Variants in DMBT1 observed in about 807,000 individuals in gnomAD.
DMBT1 encodes scavenger receptor cysteine-rich domain-containing protein DMBT1.
DMBT1 carries 198 observed loss-of-function variants against 252.9 expected under a neutral mutation model. The ratio of observed to expected loss-of-function variants is 0.78; its 90% CI spans 0.70 to 0.88. DMBT1 has a LOEUF of 0.88. Ranked by LOEUF, DMBT1 falls within the 40% of genes least tolerant of loss-of-function variation. DMBT1 has a pLI of 0.00. For synonymous variants in DMBT1, 990 were observed against 942.7 expected, an observed-to-expected ratio of 1.05 and a Z score of -0.92; for missense variants, 2,432 against 2,404.7, an observed-to-expected ratio of 1.01 and a Z score of -0.24.
chr10:122,643,228 C>G lies in DMBT1; in HGVS notation c.7459C>G (p.Leu2487Val), dbSNP rs1386667641. ...CCTGAACCGCTTCCCCTCCGTGTAC[C>G]TGCGTTGTAAAATGGTGGTGTGCAG... Reference protein sequence around the residue: ...HFLNRFPSVYLRCKMVVCRAY... With the variant: ...HFLNRFPSVYVRCKMVVCRAY... Residue 2487 changes from leucine to valine, a missense_variant, in exon 56 of 56, where the codon CTG becomes GTG. Physicochemically the swap from Leu to Val is conservative, Grantham distance 32. Around this residue, in one of 3 missense-constraint regions of DMBT1, gnomAD observed 1,162 missense variants for 1,169.0 expected, o/e 0.99. Coordinates refer to ENST00000338354, the MANE Select transcript of DMBT1 (RefSeq NM_001377530.1). 1.2e-6 allele frequency: 2 copies of G among 1,613,978 alleles called. No homozygotes were observed. The highest frequency in any genetic ancestry group is 4.5e-5 in the East Asian group (2 of 44,874).
At position 122,587,320 on chromosome 10, in the gene DMBT1, G is replaced by A. The variant is rs555649571; in HGVS notation, c.1783+937G>A. Among the ~76,000 whole-genome samples the A allele has an allele frequency of 1.6e-4, 24 of 148,660 alleles. 3 individuals are homozygous for A. Among genetic ancestry groups the A allele is most frequent in the South Asian group, 6.9e-4 (3 of 4,370 alleles). The stretch of plus-strand genomic sequence containing the variant: ...AGGACTAATAAGGAGGCATCAGACC[G>A]GAAACACAAGGCTGGGAGTGGAGAT... On this transcript the variant is annotated intron_variant, in intron 16 of 55. Coordinates refer to ENST00000338354, the MANE Select transcript of DMBT1 (RefSeq NM_001377530.1).
intron 21 of DMBT1, among the ~76,000 whole-genome samples, 181 bp downstream of exon 21, chr10:122,593,779 G>C (rs45549635): frequency 0.15 from 21,810 of 145,724 alleles, 1,955 homozygotes; most frequent in East Asian, 0.39. Context: ...ACACAGGATT[G>C]AGGAGGCCTC....
rs1431432185 is a variant in DMBT1, at chr10:122,576,471, A to G, written c.356A>G (p.Tyr119Cys). ...GRCQGRVEIL[Y>C]RGSWGTVCDD... Reference sequence around the variant, plus strand: ...TGTCAGGGCCGAGTGGAGATCCTATACCGAGGCTCCTGGGGCACCGTGTGT... The same window carrying G: ...TGTCAGGGCCGAGTGGAGATCCTATGCCGAGGCTCCTGGGGCACCGTGTGT... Residue 119 changes from tyrosine to cysteine, a missense_variant, in exon 7 of 56, where the codon TAC becomes TGC. Physicochemically the swap from Tyr to Cys is radical, Grantham distance 194 (BLOSUM62 -2). Coordinates refer to ENST00000338354, the MANE Select transcript of DMBT1 (RefSeq NM_001377530.1). 2.5e-6 allele frequency: 4 copies of G among 1,613,852 alleles called. No individual in the cohort carries two copies. Among genetic ancestry groups the G allele is most frequent in the African/African-American group, 1.3e-5 (1 of 74,920 alleles).
intron 44 of DMBT1, 24 bp downstream of exon 44, chr10:122,621,404 C>A (rs758519539): frequency 3.1e-6 from 5 of 1,613,714 alleles, no homozygotes; most frequent in Non-Finnish European, 4.2e-6. Context: ...ACCTGGGGCT[C>A]CCTCTCTTGG....
At position 122,621,431 on chromosome 10, in the gene DMBT1, G is replaced by A. The variant is rs2098067704; in HGVS notation, c.5608+51G>A. 3.1e-6 allele frequency: 5 copies of A among 1,611,720 alleles called. No individual in the cohort carries two copies. The South Asian group carries it at 4.4e-5, about 14-fold the overall frequency. ...CTCTCTTGGGGTGGAGTTTGCTCCA[G>A]AAGAAACTCCTAATTACATTCTGAT... On this transcript the variant is annotated intron_variant, in intron 44 of 55. Coordinates refer to ENST00000338354, the MANE Select transcript of DMBT1 (RefSeq NM_001377530.1).
At chr10:122,569,702 C>T (rs1465194000) in intron 2 of DMBT1, among the ~76,000 whole-genome samples, 2 of 152,220 alleles carry the variant, frequency 1.3e-5, no homozygotes, top group Non-Finnish European at 2.9e-5. Flanking sequence ...CTCCATGCAG[C>T]CACTTTGTGA....
chr10:122,600,404 G>C (rs548213342), intron 27 of DMBT1, among the ~76,000 whole-genome samples: 1 of 151,990 alleles, frequency 6.6e-6, no homozygotes, highest in Non-Finnish European at 1.5e-5. Flanking sequence ...TTTATATTCC[G>C]GACTCACATA....
Position 122,565,981 on chromosome 10 carries a change from A to G in DMBT1, c.76A>G (p.Arg26Gly), listed in dbSNP as rs2097586402. The G allele has an allele frequency of 1.9e-6, 3 of 1,613,994 alleles. No homozygotes were observed. In the East Asian group the frequency reaches 6.7e-5, roughly 36 times the overall value. ...QVLSTGGWIP[R>G]TTDYASLIPS... Reference sequence around the variant, plus strand: ...GTTCTTTCCAGGTGGGTGGATCCCAAGGACTACAGACTACGGTAAGACCTT... The same window carrying G: ...GTTCTTTCCAGGTGGGTGGATCCCAGGGACTACAGACTACGGTAAGACCTT... Residue 26 changes from arginine (R) to glycine (G), a missense_variant, in exon 2 of 56, where the codon AGG (arginine) becomes GGG (glycine). Arg to Gly is a moderately radical substitution (Grantham distance 125). Around this residue, in one of 3 missense-constraint regions of DMBT1, gnomAD observed 1,264 missense variants for 1,082.2 expected, o/e 1.17. Coordinates refer to ENST00000338354, the MANE Select transcript of DMBT1 (RefSeq NM_001377530.1).
chr10:122,574,079 C>T (rs1273924896), intron 6 of DMBT1, among the ~76,000 whole-genome samples: 1 of 152,182 alleles, frequency 6.6e-6, no homozygotes, highest in Non-Finnish European at 1.5e-5. Context: ...CCGTGGCCAG[C>T]CTAGGGTTCT....
At chr10:122,567,227 T>C (rs1261891718) in intron 2 of DMBT1, among the ~76,000 whole-genome samples, 1 of 152,094 alleles carries the variant, frequency 6.6e-6, no homozygotes, top group Non-Finnish European at 1.5e-5. Flanking sequence ...GACCGAGCAC[T>C]CTCCTGGAGG....
intron 46 of DMBT1, among the ~76,000 whole-genome samples, chr10:122,627,024 A>G (rs1451698469): frequency 6.6e-6 from 1 of 152,162 alleles, no homozygotes; most frequent in Non-Finnish European, 1.5e-5. Context: ...AGGCCAGATC[A>G]TTCAGGGCCT....
At chr10:122,586,432 A>G (rs749365686) in intron 16 of DMBT1, 49 bp downstream of exon 16, 1 of 1,580,850 alleles carries the variant, frequency 6.3e-7, no homozygotes. Flanking sequence ...GATTTTGCTC[A>G]GGAAGGTTTT....
chr10:122,623,838 G>A (rs2098093357), intron 44 of DMBT1, among the ~76,000 whole-genome samples: 1 of 152,174 alleles, frequency 6.6e-6, no homozygotes, highest in Admixed American at 6.5e-5. Flanking sequence ...CCAGTGTTGT[G>A]TCTAGCATGT....
At chr10:122,576,894 G>T (rs1352687193) in intron 7 of DMBT1, among the ~76,000 whole-genome samples, 172 bp downstream of exon 7, 1 of 152,196 alleles carries the variant, frequency 6.6e-6, no homozygotes, top group Non-Finnish European at 1.5e-5. Context: ...GGCCCATTCT[G>T]GGGACAGACT....
intron 45 of DMBT1, among the ~76,000 whole-genome samples, chr10:122,625,593 A>G (rs1228573591): frequency 1.3e-5 from 2 of 152,236 alleles, no homozygotes; most frequent in African/African-American, 4.8e-5. Flanking sequence ...TCAGATGAAA[A>G]TAACTGTCTA....
chr10:122,598,833 G>T lies in DMBT1; in HGVS notation c.3016G>T (p.Val1006Leu). 2 of 1,613,718 alleles carry T rather than the reference G, an allele frequency of 1.2e-6. No individual in the cohort carries two copies. Among genetic ancestry groups the T allele is most frequent in the Non-Finnish European group, 1.7e-6 (2 of 1,179,754 alleles). Residue 1006 changes from valine (V) to leucine (L), a missense_variant, in exon 26 of 56, where the codon GTG becomes TTG. Val to Leu is a conservative substitution (Grantham distance 32). Transcript: ENST00000338354. ...VNGGDRCQGRVEVLYQGSWGT... is the reference protein window; with the variant it reads ...VNGGDRCQGRLEVLYQGSWGT... ...TGGAGGTGACAGGTGTCAGGGCCGA[G>T]TGGAGGTCCTATACCAAGGCTCCTG...
chr10:122,626,086 C>T, intron 46 of DMBT1, 121 bp downstream of exon 46: 2 of 806,056 alleles, frequency 2.5e-6, no homozygotes, highest in Non-Finnish European at 4.4e-6. Flanking sequence ...TAGCCCTGGC[C>T]TGTCCCACTA....
At chr10:122,588,831 G>A (rs2097820124) in intron 16 of DMBT1, 113 bp from the exon 17 acceptor site, 2 of 1,528,168 alleles carry the variant, frequency 1.3e-6, no homozygotes, top group Non-Finnish European at 8.9e-7. Context: ...CTTTAATCGT[G>A]ACTGCCTGCC....
At position 122,592,337 on chromosome 10, in the gene DMBT1, G is replaced by T; in HGVS notation, c.2242G>T (p.Val748Phe). 6.3e-7 allele frequency: 1 copy of T among 1,588,072 alleles called. No homozygotes were observed. The highest frequency in any genetic ancestry group is 8.6e-7 in the Non-Finnish European group (1 of 1,165,714). ...TGACAGGTGTCAGGGCCGAGTAGAG[G>T]TCCTATACCGAGGCTCCTGGGGCAC... ...GSDRCQGRVE[V>F]LYRGSWGTVC... Residue 748 changes from valine to phenylalanine, a missense_variant, in exon 20 of 56, where the codon GTC (valine) becomes TTC (phenylalanine). Val to Phe is a conservative substitution (Grantham distance 50). Around this residue, in one of 3 missense-constraint regions of DMBT1, gnomAD observed 1,264 missense variants for 1,082.2 expected, o/e 1.17. Coordinates refer to ENST00000338354, the MANE Select transcript of DMBT1 (RefSeq NM_001377530.1).
Sources: allele counts gnomAD v4.1 joint callset (sites outside exome capture counted in the v4.1 genomes callset), GRCh38; gene constraint gnomAD v4.1.1; regional missense constraint gnomAD v4.1.1; transcripts MANE v1.5; gene names NCBI Gene and HGNC (gene_info 2026-07-23, HGNC 2026-07-21).